The following SPATA31F1 variants were observed in gnomAD, a reference collection of about 807,000 sequenced individuals.
The protein encoded by SPATA31F1 is SPATA31 subfamily F member 1, also known as protein SPATA31F1.
At chr9:34,723,871 C>T in the SPATA31F1 span, 1 of 1,551,664 alleles carries the variant, frequency 6.4e-7, no homozygotes, top group Non-Finnish European at 8.7e-7. Context: ...GTGGAGGTAG[C>T]TGTGGGAGCT....
chr9:34,724,468 T>C, the SPATA31F1 span: 1 of 1,551,708 alleles, frequency 6.4e-7, no homozygotes, highest in South Asian at 1.2e-5. Context: ...TCTGTGTGGA[T>C]ATGTTCTCTG....
At chr9:34,723,351 C>A in the SPATA31F1 span, 5 of 1,551,650 alleles carry the variant, frequency 3.2e-6, no homozygotes, top group Non-Finnish European at 3.5e-6. Flanking sequence ...CGGAGCTTAT[C>A]GTCTAGGGAT....
the SPATA31F1 span, chr9:34,723,904 G>T: frequency 6.4e-7 from 1 of 1,551,668 alleles, no homozygotes. Flanking sequence ...GATGCTGGGG[G>T]CTGTGTTGAC....
the SPATA31F1 span, among the ~76,000 whole-genome samples, chr9:34,728,992 C>T: frequency 1.3e-5 from 2 of 152,132 alleles, no homozygotes; most frequent in South Asian, 2.1e-4. Context: ...ACAAAGCCCA[C>T]CAACCGGAAA....
the SPATA31F1 span, chr9:34,726,797 G>A: frequency 5.2e-6 from 8 of 1,551,644 alleles, no homozygotes; most frequent in African/African-American, 1.1e-4. Context: ...CTGATCTAAA[G>A]ACATACTAGA....
At chr9:34,723,754 C>T in the SPATA31F1 span, 46 of 1,551,718 alleles carry the variant, frequency 3.0e-5, no homozygotes, top group South Asian at 4.8e-4. Context: ...AAGCCTGGGG[C>T]AACACAGTCT....
the SPATA31F1 span, chr9:34,723,807 G>T: frequency 6.4e-7 from 1 of 1,551,738 alleles, no homozygotes; most frequent in African/African-American, 1.4e-5. Context: ...ATGACAGTTA[G>T]CTTGGTTTGA....
the SPATA31F1 span, chr9:34,723,294 G>A: frequency 5.2e-6 from 8 of 1,551,580 alleles, no homozygotes; most frequent in South Asian, 1.2e-5. Flanking sequence ...GGGCAGTGGC[G>A]GGGGTAGCCC....
At chr9:34,729,359 G>A in the SPATA31F1 span, 12 of 1,551,588 alleles carry the variant, frequency 7.7e-6, no homozygotes, top group African/African-American at 1.4e-5. Context: ...TTACAATAAC[G>A]ATGAAGATGG....
chr9:34,723,581 T>C, the SPATA31F1 span: 39 of 1,551,674 alleles, frequency 2.5e-5, no homozygotes, highest in South Asian at 4.5e-4. Context: ...GTTAATATGC[T>C]GCAGAAAACA....
chr9:34,729,088 T>C, the SPATA31F1 span, among the ~76,000 whole-genome samples: 1 of 152,134 alleles, frequency 6.6e-6, no homozygotes, highest in Admixed American at 6.5e-5. Flanking sequence ...ATAGAGAGGT[T>C]CTTGGCTTTT....
the SPATA31F1 span, among the ~76,000 whole-genome samples, chr9:34,727,338 C>T: frequency 6.6e-6 from 1 of 152,224 alleles, no homozygotes; most frequent in South Asian, 2.1e-4. Context: ...AGGAACATCA[C>T]CAGTTAGAAC....
At chr9:34,728,182 C>G in the SPATA31F1 span, 1 of 1,102,500 alleles carries the variant, frequency 9.1e-7, no homozygotes, top group Non-Finnish European at 1.3e-6. Context: ...CAAGAAAAGA[C>G]TACAATCCTG....
At chr9:34,728,167 C>T in the SPATA31F1 span, 1 of 1,256,858 alleles carries the variant, frequency 8.0e-7, no homozygotes, top group Non-Finnish European at 1.1e-6. Flanking sequence ...GCCTTTGACT[C>T]TCATCAAGAA....
chr9:34,726,260 A>C, the SPATA31F1 span: 1 of 1,525,028 alleles, frequency 6.6e-7, no homozygotes, highest in Non-Finnish European at 8.9e-7. Flanking sequence ...TTGGTAATAC[A>C]ATGGTGGGTT....
the SPATA31F1 span, chr9:34,726,597 G>A: frequency 3.6e-5 from 56 of 1,551,718 alleles, no homozygotes; most frequent in Middle Eastern, 1.7e-4. Flanking sequence ...TTTGGGCCCC[G>A]GAGCACATCT....
the SPATA31F1 span, chr9:34,725,802 G>A: frequency 6.5e-7 from 1 of 1,549,096 alleles, no homozygotes; most frequent in African/African-American, 1.4e-5. Context: ...GTTTTAGGGA[G>A]CAGTTGGGGG....
the SPATA31F1 span, chr9:34,726,878 T>A: frequency 6.4e-7 from 1 of 1,551,796 alleles, no homozygotes. Context: ...CTGGTTGTTC[T>A]CACCCACCAG....
the SPATA31F1 span, chr9:34,723,143 G>A: frequency 7.0e-7 from 1 of 1,434,848 alleles, no homozygotes; most frequent in Non-Finnish European, 9.3e-7. Context: ...GAGGGCTGCA[G>A]CAGTTGGGGA....
Sources: allele counts gnomAD v4.1 joint callset (sites outside exome capture counted in the v4.1 genomes callset), GRCh38; gene constraint gnomAD v4.1.1; transcripts MANE v1.5; gene names NCBI Gene and HGNC (gene_info 2026-07-23, HGNC 2026-07-21).